The following GRIP1 variants were observed in gnomAD, a reference collection of about 807,000 sequenced individuals.
The protein encoded by GRIP1 is glutamate receptor interacting protein 1, also known as glutamate receptor-interacting protein 1.
A neutral mutation model predicts 129.9 loss-of-function variants in GRIP1; 45 were observed. The observed-to-expected ratio is 0.35, with a 90% confidence interval of 0.27 to 0.44. GRIP1 has a LOEUF of 0.44. Ranked by LOEUF, GRIP1 falls within the 20% of genes least tolerant of loss-of-function variation. The pLI is 1.00. For synonymous variants in GRIP1, 530 were observed against 520.8 expected (o/e 1.02, Z -0.24); for missense variants, 1,196 against 1,396.8 (o/e 0.86, Z 2.29).
chr12:67,021,148 T>C (rs2042861504), intron 1 of GRIP1, among the ~76,000 whole-genome samples: 1 of 152,188 alleles, frequency 6.6e-6, no homozygotes, highest in Non-Finnish European at 1.5e-5. Context: ...CTCTTGGACA[T>C]ATATACACCC....
intron 7 of GRIP1, among the ~76,000 whole-genome samples, chr12:66,503,626 T>C (rs1258037749): frequency 6.6e-6 from 1 of 152,160 alleles, no homozygotes; most frequent in Non-Finnish European, 1.5e-5. Flanking sequence ...AGAATCGAGG[T>C]TGCTGCAGAC....
At chr12:66,683,903 G>A (rs1303600734), upstream of GRIP1, among the ~76,000 whole-genome samples, 2 of 152,196 alleles carry the variant, frequency 1.3e-5, no homozygotes, top group African/African-American at 4.8e-5. Flanking sequence ...ATGTCCAACT[G>A]TTTATGGAGG....
intron 1 of GRIP1, among the ~76,000 whole-genome samples, chr12:66,606,256 C>T (rs1041423252): frequency 3.9e-5 from 6 of 152,060 alleles, no homozygotes; most frequent in Non-Finnish European, 7.4e-5. Context: ...AGTGCAAAGT[C>T]GATGGCAGGA....
At chr12:66,654,562 A>C (rs1268226820) in intron 1 of GRIP1, among the ~76,000 whole-genome samples, 1 of 152,208 alleles carries the variant, frequency 6.6e-6, no homozygotes, top group East Asian at 1.9e-4. Context: ...ATAAATTGAC[A>C]TGGGGCCAAA....
At chr12:66,902,841 G>A (rs1000467966) in intron 1 of GRIP1, among the ~76,000 whole-genome samples, 1 of 152,168 alleles carries the variant, frequency 6.6e-6, no homozygotes, top group African/African-American at 2.4e-5. Context: ...TAGCGCTTTT[G>A]AATTATTGAA....
intron 1 of GRIP1, among the ~76,000 whole-genome samples, chr12:66,732,083 T>C (rs2036455166): frequency 6.6e-6 from 1 of 152,236 alleles, no homozygotes; most frequent in African/African-American, 2.4e-5. Context: ...GGGTTTGAAC[T>C]GTGTGGGTCC....
Position 66,968,791 on chromosome 12 carries a change from C to A in GRIP1, c.58+100259G>T, listed in dbSNP as rs1034773531. 5.7e-5 allele frequency among the ~76,000 whole-genome samples: 4 copies of A among 70,306 alleles called. No individual in the cohort carries two copies. In the African/African-American group the frequency reaches 6.2e-4, roughly 11 times the overall value. The allele number at this position is 70,306 out of a possible 152,430, so 46.1% of individuals were successfully genotyped here. A position where few individuals can be genotyped will look rare whatever the true frequency, so the allele number is the denominator to read the frequency against. The stretch of plus-strand genomic sequence containing the variant: ...GAGAAAAGCAAAAGATTTTACTTTA[C>A]CTTAAATTTATTCCTTCTCTGATGT... On this transcript the variant is annotated intron_variant, in intron 1 of 1. Transcript: ENST00000643019.
chr12:66,382,725 A>G (rs1467994533), intron 19 of GRIP1, among the ~76,000 whole-genome samples: 2 of 152,212 alleles, frequency 1.3e-5, no homozygotes, highest in Non-Finnish European at 2.9e-5. Flanking sequence ...CAGATACTAT[A>G]TATCAGGAAC....
Position 66,784,001 on chromosome 12 carries a change from AC to A in GRIP1, c.-420+20051del, listed in dbSNP as rs150128286. ...TAAGACTATCAAGGTTAACAGAAGA[AC>A]AAAAATGGTATTTACTTTCCATATA... is the stretch of plus-strand genomic sequence containing the variant. On this transcript the variant is annotated intron_variant, in intron 1 of 4. Coordinates refer to the GRIP1 transcript ENST00000538373. Among the ~76,000 whole-genome samples the A allele has an allele frequency of 8.8e-3, 1,344 of 152,270 alleles. 15 individuals carry two copies. Among genetic ancestry groups the A allele is most frequent in the African/African-American group, 0.031 (1,295 of 41,544 alleles).
At chr12:66,483,953 G>A (rs1442777939) in intron 7 of GRIP1, among the ~76,000 whole-genome samples, 17 of 151,218 alleles carry the variant, frequency 1.1e-4, no homozygotes, top group Admixed American at 1.1e-3. Context: ...TCCGCCTCCC[G>A]GGTTCACGCC....
intron 1 of GRIP1, among the ~76,000 whole-genome samples, chr12:66,860,230 T>C (rs1041350021): frequency 6.6e-6 from 1 of 152,134 alleles, no homozygotes; most frequent in African/African-American, 2.4e-5. Context: ...CTTTCGAGTC[T>C]GACCCAACTA....
rs953801766 is a variant in GRIP1, at chr12:66,463,175, TCA to T, written c.873-84_873-83del. ...TTTCATGTCCTTCATAGTTAAAATTTCACAGTTTTTCATTTACTTAAAATAAA... is the reference window on the plus strand; with the variant it reads ...TTTCATGTCCTTCATAGTTAAAATTTCAGTTTTTCATTTACTTAAAATAAA... On this transcript the variant is annotated intron_variant, in intron 8 of 24. Coordinates refer to ENST00000359742, the MANE Select transcript of GRIP1 (RefSeq NM_001366722.1). The T allele has an allele frequency of 4.3e-5, 51 of 1,174,338 alleles. No homozygotes were observed. The Admixed American group carries it at 5.7e-4, about 13-fold the overall frequency. The allele number at this position is 1,174,338 out of a possible 1,614,324, so 72.7% of individuals were successfully genotyped here.
intron 1 of GRIP1, among the ~76,000 whole-genome samples, chr12:66,718,706 G>C (rs931963454): frequency 7.2e-5 from 11 of 152,054 alleles, no homozygotes; most frequent in African/African-American, 2.7e-4. Context: ...CAAAAAATTA[G>C]CCAGGCATGG....
At chr12:66,893,560 C>T (rs533026340) in intron 1 of GRIP1, among the ~76,000 whole-genome samples, 1 of 152,304 alleles carries the variant, frequency 6.6e-6, no homozygotes, top group Non-Finnish European at 1.5e-5. Flanking sequence ...GAGTAGTTTT[C>T]CATCATACTG....
At chr12:66,505,926 T>C (rs1030542622) in intron 7 of GRIP1, among the ~76,000 whole-genome samples, 1 of 152,160 alleles carries the variant, frequency 6.6e-6, no homozygotes, top group African/African-American at 2.4e-5. Context: ...AAAATATCTA[T>C]ATGGCCAATA....
At chr12:66,911,457 A>G (rs866288905) in intron 1 of GRIP1, among the ~76,000 whole-genome samples, 40 of 152,240 alleles carry the variant, frequency 2.6e-4, no homozygotes, top group Middle Eastern at 6.8e-3. Flanking sequence ...TTCTCCTGGC[A>G]TTCTACTCTC....
intron 1 of GRIP1, among the ~76,000 whole-genome samples, chr12:66,632,675 T>C (rs2030936864): frequency 6.6e-6 from 1 of 152,192 alleles, no homozygotes; most frequent in African/African-American, 2.4e-5. Flanking sequence ...CTTAATCTCT[T>C]TGGGGTCATA....
At chr12:66,573,239 G>T (rs143860801) in intron 2 of GRIP1, among the ~76,000 whole-genome samples, 30 of 151,964 alleles carry the variant, frequency 2.0e-4, no homozygotes, top group African/African-American at 7.2e-4. Context: ...AACTGAATTC[G>T]GCCAACAACC....
At chr12:66,905,226 A>C (rs555903143) in intron 1 of GRIP1, among the ~76,000 whole-genome samples, 1 of 152,362 alleles carries the variant, frequency 6.6e-6, no homozygotes, top group African/African-American at 2.4e-5. Flanking sequence ...CCATTACTAT[A>C]AGTTGAAGGA....
Sources: allele counts gnomAD v4.1 joint callset (sites outside exome capture counted in the v4.1 genomes callset), GRCh38; gene constraint gnomAD v4.1.1; transcripts MANE v1.5; gene names NCBI Gene and HGNC (gene_info 2026-07-23, HGNC 2026-07-21).